NKAIN3: variants seen among roughly 807,000 people sequenced by gnomAD.
NKAIN3 encodes sodium/potassium-transporting ATPase subunit beta-1-interacting protein 3.
Under a neutral mutation model 30.2 loss-of-function variants are expected in NKAIN3, and 25 were observed. That is an observed-to-expected ratio of 0.83 (90% confidence interval 0.60 to 1.16). The LOEUF (loss-of-function observed/expected upper bound fraction) is 1.16. Among genes scored for constraint, NKAIN3 ranks in the 50% most tolerant of loss-of-function variants. The pLI is 0.00. For missense variants in NKAIN3, 225 were observed against 254.1 expected, an observed-to-expected ratio of 0.89 and a Z score of 0.78; for synonymous variants, 91 against 89.6, an observed-to-expected ratio of 1.02 and a Z score of -0.09.
chr8:62,855,614 G>A, intron 4 of NKAIN3: 3 of 1,602,612 alleles, frequency 1.9e-6, no homozygotes, highest in Non-Finnish European at 8.5e-7. Flanking sequence ...TGCTTGTTCA[G>A]TCTCCATCAA....
intron 3 of NKAIN3, among the ~76,000 whole-genome samples, chr8:62,628,179 C>G (rs552925991): frequency 6.6e-6 from 1 of 152,224 alleles, no homozygotes; most frequent in African/African-American, 2.4e-5. Context: ...ATAAAGCCAT[C>G]TTGCACATCA....
chr8:62,887,212 C>T (rs1297822361), intron 4 of NKAIN3, among the ~76,000 whole-genome samples: 1 of 152,226 alleles, frequency 6.6e-6, no homozygotes. Flanking sequence ...ATTCTTTTCT[C>T]CTCTGTAAGT....
At chr8:62,592,682 C>T (rs1030400439) in intron 3 of NKAIN3, among the ~76,000 whole-genome samples, 1 of 151,558 alleles carries the variant, frequency 6.6e-6, no homozygotes, top group African/African-American at 2.4e-5. Flanking sequence ...TTTAAAATGA[C>T]AATAGTTAAT....
intron 1 of NKAIN3, among the ~76,000 whole-genome samples, chr8:62,267,284 A>G (rs1374853802): frequency 6.6e-6 from 1 of 152,234 alleles, no homozygotes; most frequent in African/African-American, 2.4e-5. Context: ...AGATCATTCA[A>G]TTTGATTTTC....
In NKAIN3 at chr8:62,977,633, G is replaced by A. The variant is rs1823974469; in HGVS notation, c.*12226G>A. 6.6e-6 allele frequency among the ~76,000 whole-genome samples: 1 copy of A among 151,990 alleles called. No homozygotes were observed. The highest frequency in any genetic ancestry group is 2.1e-4 in the South Asian group (1 of 4,816). On this transcript the variant is annotated 3_prime_UTR_variant, in exon 7 of 7. Transcript: ENST00000623646. ...CTCTAACCTTTTATCAAGGTTCTTAGCTTCCTCGTATTGGGTTACTATATG... is the reference window on the plus strand; with the variant it reads ...CTCTAACCTTTTATCAAGGTTCTTAACTTCCTCGTATTGGGTTACTATATG...
chr8:62,481,652 AC>A (rs1232277454), intron 1 of NKAIN3, among the ~76,000 whole-genome samples: 4 of 152,216 alleles, frequency 2.6e-5, no homozygotes, highest in Non-Finnish European at 1.5e-5. Context: ...GGAAACCTTT[AC>A]AAAAGGTCAT....
intron 4 of NKAIN3, among the ~76,000 whole-genome samples, chr8:62,840,000 G>GGA (rs2130758256): frequency 6.6e-6 from 1 of 152,224 alleles, no homozygotes; most frequent in African/African-American, 2.4e-5. Flanking sequence ...AAACAAGATT[G>GGA]AGGATAGAAG....
chr8:62,561,312 A>C (rs1378866784), intron 1 of NKAIN3, among the ~76,000 whole-genome samples: 2 of 152,090 alleles, frequency 1.3e-5, no homozygotes, highest in African/African-American at 2.4e-5. Flanking sequence ...ATGATGGTTA[A>C]AGTTTTTGGA....
At chr8:62,803,086 C>T (rs1818130488) in intron 4 of NKAIN3, among the ~76,000 whole-genome samples, 1 of 152,072 alleles carries the variant, frequency 6.6e-6, no homozygotes, top group African/African-American at 2.4e-5. Context: ...TATATGCACC[C>T]AATATGAGAG....
chr8:62,939,736 C>A (rs1417080926), intron 5 of NKAIN3, among the ~76,000 whole-genome samples: 1 of 151,978 alleles, frequency 6.6e-6, no homozygotes, highest in African/African-American at 2.4e-5. Flanking sequence ...GCCAGCACTA[C>A]AAGAACTGTT....
At position 62,979,944 on chromosome 8, in the gene NKAIN3, A is replaced by T. The variant is rs1049889957; in HGVS notation, c.*14537A>T. 6.6e-6 allele frequency: 1 copy of T among 152,186 alleles called. No individual in the cohort carries two copies. The highest frequency in any genetic ancestry group is 1.5e-5 in the Non-Finnish European group (1 of 68,062). The allele number at this position is 152,186 out of a possible 1,614,324, so 9.4% of individuals were successfully genotyped here. ...GCTTGGGTCTGAGCATCAGAAAGCC[A>T]CCTTCCAGTGGGTCTTTGCCTAGCT... On this transcript the variant is annotated 3_prime_UTR_variant, in exon 7 of 7. Coordinates refer to ENST00000623646, the MANE Select transcript of NKAIN3 (RefSeq NM_001304533.3).
intron 3 of NKAIN3, among the ~76,000 whole-genome samples, chr8:62,625,381 T>C (rs1811759844): frequency 6.6e-6 from 1 of 152,112 alleles, no homozygotes; most frequent in African/African-American, 2.4e-5. Flanking sequence ...CCTGAAGTCA[T>C]ATGGCTAATT....
intron 1 of NKAIN3, among the ~76,000 whole-genome samples, chr8:62,415,833 C>T (rs1339210681): frequency 1.3e-5 from 2 of 151,814 alleles, no homozygotes; most frequent in Non-Finnish European, 2.9e-5. Flanking sequence ...TCTCGGCTCA[C>T]GGCAAGCTCT....
chr8:62,926,666 G>A (rs988324513), intron 5 of NKAIN3, among the ~76,000 whole-genome samples: 1 of 152,024 alleles, frequency 6.6e-6, no homozygotes, highest in Non-Finnish European at 1.5e-5. Flanking sequence ...TGTGACCGCC[G>A]GCGGCTTTTT....
intron 3 of NKAIN3, among the ~76,000 whole-genome samples, chr8:62,644,418 G>GA (rs199605383): frequency 0.032 from 4,617 of 143,324 alleles, 194 homozygotes; most frequent in African/African-American, 0.11. Flanking sequence ...ATCTTTTTTT[G>GA]AAGAAGGCTA....
At chr8:62,285,564 G>T (rs891049313) in intron 1 of NKAIN3, among the ~76,000 whole-genome samples, 1 of 152,108 alleles carries the variant, frequency 6.6e-6, no homozygotes, top group Non-Finnish European at 1.5e-5. Flanking sequence ...TCTGCTCCCA[G>T]TGGGGCTCTG....
chr8:62,301,880 G>T (rs529194832), intron 1 of NKAIN3, among the ~76,000 whole-genome samples: 5 of 151,994 alleles, frequency 3.3e-5, no homozygotes, highest in Non-Finnish European at 7.4e-5. Context: ...AAAAAAGCCA[G>T]GGATGCCAAT....
chr8:62,668,231 A>T (rs1412760570), intron 3 of NKAIN3, among the ~76,000 whole-genome samples: 1 of 152,122 alleles, frequency 6.6e-6, no homozygotes, highest in Admixed American at 6.5e-5. Context: ...TGCCCTTCCC[A>T]TGAAACCATA....
chr8:62,319,331 T>C (rs1814785674), intron 1 of NKAIN3, among the ~76,000 whole-genome samples: 1 of 152,212 alleles, frequency 6.6e-6, no homozygotes, highest in Non-Finnish European at 1.5e-5. Flanking sequence ...CTCTGTTTTC[T>C]TCATTTCTGC....
Sources: allele counts gnomAD v4.1 joint callset (sites outside exome capture counted in the v4.1 genomes callset), GRCh38; gene constraint gnomAD v4.1.1; transcripts MANE v1.5; gene names NCBI Gene and HGNC (gene_info 2026-07-23, HGNC 2026-07-21).